Variants in DACH1 observed in about 807,000 individuals in gnomAD.
DACH1 encodes the protein dachshund family transcription factor 1.
Under a neutral mutation model 54.2 loss-of-function variants are expected in DACH1, and 12 were observed. The observed-to-expected ratio is 0.22, with a 90% confidence interval of 0.14 to 0.36. DACH1 has a LOEUF of 0.36. DACH1 is among the 10% of genes least tolerant of loss of function. The probability of loss-of-function intolerance (pLI) is 1.00; values close to 1 mark genes in which losing one functional copy is unlikely to be tolerated. For missense variants in DACH1, 805 were observed against 929.8 expected (o/e 0.87, Z 1.75); for synonymous variants, 386 against 366.2 (o/e 1.05, Z -0.62).
chr13:71,495,453 A>G (rs1052638538), intron 6 of DACH1, among the ~76,000 whole-genome samples: 5 of 152,062 alleles, frequency 3.3e-5, no homozygotes, highest in African/African-American at 1.2e-4. Flanking sequence ...AACTTACTAG[A>G]CATATTAAAT....
rs117829768 is a variant in DACH1 at position 71,603,122 on chromosome 13, A to G, written c.1126+27434T>C. ...TGTCTACAATTTGGTAGTGACATAC[A>G]GAATGTAACGGTCACCACAATCGTT... is the stretch of plus-strand genomic sequence containing the variant. On this transcript the variant is annotated intron_variant, in intron 3 of 10. Coordinates refer to ENST00000613252, the MANE Select transcript of DACH1 (RefSeq NM_080759.6). Among the ~76,000 whole-genome samples, 136 of 152,140 alleles carry G rather than the reference A, an allele frequency of 8.9e-4. 1 individual carries two copies. In the East Asian group the frequency reaches 0.021, roughly 24 times the overall value.
rs1888793364 is a variant in DACH1, at chr13:71,836,581, C to T, written c.848+29341G>A. 2.0e-5 allele frequency among the ~76,000 whole-genome samples: 3 copies of T among 152,162 alleles called. No individual in the cohort carries two copies. In the South Asian group the frequency reaches 6.2e-4, roughly 32 times the overall value. On this transcript the variant is annotated intron_variant, in intron 1 of 10. Coordinates refer to ENST00000613252, the MANE Select transcript of DACH1 (RefSeq NM_080759.6). ...ATAATGCAAAGCTTTATAGCATTAA[C>T]TCTGATCCATACTTCCTATTTCCCT...
chr13:71,779,728 C>G (rs1886287237), intron 1 of DACH1, among the ~76,000 whole-genome samples: 1 of 152,072 alleles, frequency 6.6e-6, no homozygotes, highest in Non-Finnish European at 1.5e-5. Context: ...ATTCCCAGAT[C>G]TCTTCTTTGA....
At chr13:71,653,384 T>C (rs1878818274) in intron 2 of DACH1, among the ~76,000 whole-genome samples, 1 of 152,188 alleles carries the variant, frequency 6.6e-6, no homozygotes, top group African/African-American at 2.4e-5. Flanking sequence ...GAGTGAAGTA[T>C]GACCGTCAGT....
At chr13:71,542,501 G>A (rs1163852853) in intron 6 of DACH1, among the ~76,000 whole-genome samples, 1 of 151,934 alleles carries the variant, frequency 6.6e-6, no homozygotes, top group Non-Finnish European at 1.5e-5. Flanking sequence ...TACATGTGTC[G>A]ATAGCTGACT....
At chr13:71,472,510 T>C (rs560462217) in intron 10 of DACH1, among the ~76,000 whole-genome samples, 1 of 152,324 alleles carries the variant, frequency 6.6e-6, no homozygotes, top group African/African-American at 2.4e-5. Flanking sequence ...TTGCCAGAAA[T>C]GTTAAAAATA....
chr13:71,512,411 G>A (rs1880848164), intron 6 of DACH1, among the ~76,000 whole-genome samples: 1 of 151,838 alleles, frequency 6.6e-6, no homozygotes, highest in Non-Finnish European at 1.5e-5. Flanking sequence ...AGAGGGAGAC[G>A]CTCTAATGTC....
intron 1 of DACH1, among the ~76,000 whole-genome samples, chr13:71,847,570 T>C (rs1036832077): frequency 6.6e-6 from 1 of 152,204 alleles, no homozygotes; most frequent in Non-Finnish European, 1.5e-5. Context: ...CAAGTAGCTA[T>C]ATAGCTACAT....
rs1191622349 is a variant in DACH1, at chr13:71,620,876, TA to T, written c.1126+9679del. On this transcript the variant is annotated intron_variant, in intron 3 of 10. Transcript: ENST00000613252. ...GAAGTAAAATCATAGATGAATTATT[TA>T]TTTTTTTTAAAGTTTTACTTAGAAA... Among the ~76,000 whole-genome samples the T allele has an allele frequency of 6.0e-5, 9 of 150,018 alleles. No homozygotes were observed. The East Asian group carries it at 9.7e-4, about 16-fold the overall frequency.
intron 6 of DACH1, among the ~76,000 whole-genome samples, chr13:71,497,277 T>C (rs77202003): frequency 1.5e-3 from 229 of 152,222 alleles, no homozygotes; most frequent in African/African-American, 5.3e-3. Flanking sequence ...TTTTGGAAAC[T>C]TGGCTTCAAT....
At chr13:71,794,238 T>C (rs975056989) in intron 1 of DACH1, among the ~76,000 whole-genome samples, 2 of 152,146 alleles carry the variant, frequency 1.3e-5, no homozygotes, top group Non-Finnish European at 2.9e-5. Context: ...CAGATTCCTG[T>C]AAACCTTCAA....
intron 1 of DACH1, among the ~76,000 whole-genome samples, chr13:71,744,944 AG>A (rs1884544952): frequency 6.6e-6 from 1 of 152,200 alleles, no homozygotes; most frequent in African/African-American, 2.4e-5. Flanking sequence ...TACTAGATTT[AG>A]AATCAGAAGT....
At chr13:71,844,873 A>T (rs1873118318) in intron 1 of DACH1, among the ~76,000 whole-genome samples, 1 of 152,168 alleles carries the variant, frequency 6.6e-6, no homozygotes, top group Admixed American at 6.5e-5. Flanking sequence ...AAAGTTAAAC[A>T]CTACTTGTTC....
intron 1 of DACH1, among the ~76,000 whole-genome samples, chr13:71,690,667 C>A (rs767217943): frequency 6.6e-6 from 1 of 152,148 alleles, no homozygotes; most frequent in Non-Finnish European, 1.5e-5. Context: ...TGCGGTGGCT[C>A]ACGCCTATAA....
chr13:71,755,867 T>C (rs1885124836), intron 1 of DACH1, among the ~76,000 whole-genome samples: 1 of 152,176 alleles, frequency 6.6e-6, no homozygotes, highest in Non-Finnish European at 1.5e-5. Context: ...CTTTTAAACT[T>C]ATGATACTAT....
intron 1 of DACH1, among the ~76,000 whole-genome samples, chr13:71,709,153 G>T (rs554083432): frequency 6.6e-6 from 1 of 151,736 alleles, no homozygotes; most frequent in Admixed American, 6.6e-5. Context: ...GTGCCTGGCC[G>T]TATTTTTTAA....
chr13:71,560,966 A>T lies in DACH1; in HGVS notation c.1300-1011T>A, dbSNP rs140939293. ...AATAATTAGTACATTATTCCTTATT[A>T]GAGAGAAAATATGCAATTACAAAAT... is the stretch of plus-strand genomic sequence containing the variant. On this transcript the variant is annotated intron_variant, in intron 4 of 10. Transcript: ENST00000613252. 5.1e-3 allele frequency among the ~76,000 whole-genome samples: 778 copies of T among 152,320 alleles called. 6 individuals are homozygous for T. The highest frequency in any genetic ancestry group is 0.028 in the East Asian group (145 of 5,174).
intron 6 of DACH1, among the ~76,000 whole-genome samples, chr13:71,553,103 T>C (rs1449951543): frequency 7.0e-6 from 1 of 142,426 alleles, no homozygotes; most frequent in African/African-American, 2.6e-5. Context: ...TCCATATATG[T>C]ATATTAGACA....
intron 10 of DACH1, among the ~76,000 whole-genome samples, chr13:71,454,578 A>G (rs1177517079): frequency 6.6e-6 from 1 of 152,180 alleles, no homozygotes; most frequent in East Asian, 1.9e-4. Context: ...GCTGCCATGT[A>G]TTGAGCTGCC....
Sources: allele counts gnomAD v4.1 joint callset (sites outside exome capture counted in the v4.1 genomes callset), GRCh38; gene constraint gnomAD v4.1.1; transcripts MANE v1.5; gene names NCBI Gene and HGNC (gene_info 2026-07-23, HGNC 2026-07-21).